The following XPR1 variants were observed in gnomAD, a reference collection of about 807,000 sequenced individuals.
XPR1 encodes the protein xenotropic and polytropic retrovirus receptor 1.
XPR1 carries 28 observed loss-of-function variants against 87.5 expected under a neutral mutation model. That is an observed-to-expected ratio of 0.32 (90% CI 0.24 to 0.44). XPR1 has a LOEUF of 0.44. Ranked by LOEUF, XPR1 falls within the 20% of genes least tolerant of loss-of-function variation. The pLI is 1.00. For synonymous variants in XPR1, 300 were observed against 306.1 expected (o/e 0.98, Z 0.21); for missense variants, 559 against 862.3 (o/e 0.65, Z 4.41).
At chr1:180,781,249 G>A (rs900979642) in intron 2 of XPR1, among the ~76,000 whole-genome samples, 3 of 151,672 alleles carry the variant, frequency 2.0e-5, no homozygotes, top group African/African-American at 7.3e-5. Flanking sequence ...AAAATAGTGT[G>A]TGGAGCACAT....
intron 11 of XPR1, among the ~76,000 whole-genome samples, chr1:180,855,666 A>C (rs1248098052): frequency 6.7e-6 from 1 of 150,324 alleles, no homozygotes; most frequent in South Asian, 2.2e-4. Context: ...GTGTCTCAAA[A>C]AAAAAAAAAA....
At chr1:180,845,989 G>T (rs993988834) in intron 11 of XPR1, among the ~76,000 whole-genome samples, 2 of 152,208 alleles carry the variant, frequency 1.3e-5, no homozygotes, top group Non-Finnish European at 2.9e-5. Context: ...GCTGGGCACG[G>T]TGGCTCACGC....
chr1:180,774,334 A>G (rs976028033), intron 2 of XPR1, among the ~76,000 whole-genome samples: 3 of 150,954 alleles, frequency 2.0e-5, no homozygotes, highest in Non-Finnish European at 4.4e-5. Flanking sequence ...GATAACCCAT[A>G]TCTGGATTTT....
intron 2 of XPR1, among the ~76,000 whole-genome samples, chr1:180,695,456 G>A (rs575190717): frequency 5.5e-5 from 8 of 145,418 alleles, no homozygotes; most frequent in African/African-American, 1.7e-4. Context: ...GCGCGCACGC[G>A]CGCGCTTTTG....
intron 6 of XPR1, among the ~76,000 whole-genome samples, chr1:180,809,426 C>T (rs12059686): frequency 0.043 from 6,548 of 152,166 alleles, 506 homozygotes; most frequent in African/African-American, 0.15. Context: ...TGTATATCAA[C>T]TTAGTCAGTA....
intron 1 of XPR1, among the ~76,000 whole-genome samples, chr1:180,647,470 T>C (rs1035744232): frequency 6.6e-6 from 1 of 152,256 alleles, no homozygotes; most frequent in Non-Finnish European, 1.5e-5. Context: ...AACGTCGTTA[T>C]GCTGTGCATG....
intron 2 of XPR1, among the ~76,000 whole-genome samples, chr1:180,723,804 C>T (rs1219761589): frequency 6.6e-6 from 1 of 152,128 alleles, no homozygotes; most frequent in Non-Finnish European, 1.5e-5. Context: ...CATCCAGATA[C>T]ATCATTTACC....
chr1:180,669,450 T>C (rs1656084079), intron 1 of XPR1, among the ~76,000 whole-genome samples: 3 of 152,134 alleles, frequency 2.0e-5, no homozygotes, highest in Admixed American at 6.5e-5. Context: ...TGGCGCAATC[T>C]TGGCTCACTG....
At chr1:180,801,221 C>T (rs975266529) in intron 3 of XPR1, among the ~76,000 whole-genome samples, 3 of 152,194 alleles carry the variant, frequency 2.0e-5, no homozygotes, top group Non-Finnish European at 2.9e-5. Flanking sequence ...CATTCCTGGC[C>T]TTCACTGGGG....
chr1:180,785,858 T>C (rs1649118300), intron 2 of XPR1, among the ~76,000 whole-genome samples: 1 of 151,746 alleles, frequency 6.6e-6, no homozygotes, highest in Admixed American at 6.6e-5. Context: ...GCTGTTACTC[T>C]TATTTTATAT....
intron 7 of XPR1, among the ~76,000 whole-genome samples, chr1:180,824,202 A>G (rs550187242): frequency 6.6e-6 from 1 of 152,200 alleles, no homozygotes; most frequent in Non-Finnish European, 1.5e-5. Context: ...CTGAAAGTCA[A>G]GTTTTGGGAA....
intron 2 of XPR1, among the ~76,000 whole-genome samples, chr1:180,714,661 G>A (rs965757301): frequency 1.3e-5 from 2 of 151,972 alleles, no homozygotes; most frequent in African/African-American, 4.8e-5. Flanking sequence ...TGCCTTGGCC[G>A]TCCAAAGTGC....
chr1:180,639,886 A>G (rs1654912281), intron 1 of XPR1, among the ~76,000 whole-genome samples: 1 of 152,238 alleles, frequency 6.6e-6, no homozygotes, highest in African/African-American at 2.4e-5. Context: ...TATCTGCCCT[A>G]CAGCAAGGAC....
rs116546806 is a variant in XPR1, at chr1:180,646,785, A to G, written c.69+14515A>G. On this transcript the variant is annotated intron_variant, in intron 1 of 14. Coordinates refer to ENST00000367590, the MANE Select transcript of XPR1 (RefSeq NM_004736.4). Reference sequence around the variant, plus strand: ...AGAGGCGTGGGTGGAAGTAGTAAATAAAATAATGGGTGGGCCATGCATGGA... The same window carrying G: ...AGAGGCGTGGGTGGAAGTAGTAAATGAAATAATGGGTGGGCCATGCATGGA... Among the ~76,000 whole-genome samples the G allele has an allele frequency of 6.3e-3, 961 of 152,248 alleles. 8 individuals carry two copies. Among genetic ancestry groups the G allele is most frequent in the Non-Finnish European group, 0.01 (700 of 68,018 alleles).
chr1:180,758,348 G>A (rs186723922), intron 2 of XPR1, among the ~76,000 whole-genome samples: 299 of 152,214 alleles, frequency 2.0e-3, no homozygotes, highest in African/African-American at 6.9e-3. Flanking sequence ...GGGAAGGGGA[G>A]GAGGGGATAT....
chr1:180,805,560 A>G (rs554959797), intron 4 of XPR1, among the ~76,000 whole-genome samples: 2 of 152,304 alleles, frequency 1.3e-5, no homozygotes, highest in East Asian at 1.9e-4. Flanking sequence ...GCACTAGATG[A>G]TCTTCCATTT....
intron 2 of XPR1, among the ~76,000 whole-genome samples, chr1:180,737,707 G>A (rs546663664): frequency 6.6e-6 from 1 of 152,314 alleles, no homozygotes; most frequent in South Asian, 2.1e-4. Flanking sequence ...GAATAATACA[G>A]TATGTAATGT....
In XPR1 at chr1:180,688,681, C is replaced by T. The variant is rs181143107; in HGVS notation, c.121+6270C>T. On this transcript the variant is annotated intron_variant, in intron 2 of 14. Coordinates refer to ENST00000367590, the MANE Select transcript of XPR1 (RefSeq NM_004736.4). ...TTTTACCTTTATAGGTTAAGTATAA[C>T]AATTCTTACATATAGTACCCGTTTG... 7.8e-3 allele frequency among the ~76,000 whole-genome samples: 1,194 copies of T among 152,240 alleles called. 10 individuals carry two copies. Among genetic ancestry groups the T allele is most frequent in the Non-Finnish European group, 0.01 (711 of 68,026 alleles).
At position 180,873,941 on chromosome 1, in the gene XPR1, C is replaced by T. The variant is rs1266984505; in HGVS notation, c.1807C>T (p.Arg603Trp). The change falls in exon 13 of 15, where the codon CGG becomes TGG. Residue 603 changes from arginine to tryptophan, a missense_variant and splice_region_variant. By Grantham distance (101) the Arg-to-Trp change is moderately radical (BLOSUM62 -3). This residue lies in a region of XPR1 where 264 missense variants were observed against 377.2 expected (regional missense o/e 0.70). Transcript: ENST00000367590. ...ATVFAPLEVFRRFVWNFFRLE... is the reference protein window; with the variant it reads ...ATVFAPLEVFWRFVWNFFRLE... ...TGTCTTTGCCCCACTTGAGGTTTTCCGGTAAGCAAACTACTGAAAAGTTTA... is the reference window on the plus strand; with the variant it reads ...TGTCTTTGCCCCACTTGAGGTTTTCTGGTAAGCAAACTACTGAAAAGTTTA... 6.2e-7 allele frequency: 1 copy of T among 1,611,888 alleles called. No homozygotes were observed. Among genetic ancestry groups the T allele is most frequent in the Non-Finnish European group, 8.5e-7 (1 of 1,179,260 alleles).
Sources: gnomAD v4.1 joint callset for allele counts (sites outside exome capture counted in the v4.1 genomes callset) on GRCh38, gnomAD v4.1.1 for gene constraint, gnomAD v4.1.1 regional missense constraint, MANE v1.5 for transcripts, NCBI Gene and HGNC (gene_info 2026-07-23, HGNC 2026-07-21) for gene names.